NPR3: variants seen among roughly 807,000 people sequenced by gnomAD.
NPR3 encodes the protein atrial natriuretic peptide receptor 3.
A neutral mutation model predicts 54.5 loss-of-function variants in NPR3; 34 were observed. The observed-to-expected ratio is 0.62, with a 90% CI of 0.47 to 0.83. The LOEUF (loss-of-function observed/expected upper bound fraction) is 0.83. Ranked by LOEUF, NPR3 falls within the 40% of genes least tolerant of loss-of-function variation. NPR3 has a pLI of 0.00. For synonymous variants in NPR3, 289 were observed against 297.1 expected (o/e 0.97, Z 0.28); for missense variants, 674 against 720.8 (o/e 0.94, Z 0.74).
At chr5:32,744,644 CT>C (rs1740205389) in intron 3 of NPR3, among the ~76,000 whole-genome samples, 1 of 152,100 alleles carries the variant, frequency 6.6e-6, no homozygotes, top group African/African-American at 2.4e-5. Context: ...ACTTTTGTTT[CT>C]TGTATTCCAG....
chr5:32,692,191 A>T (rs1740410573), intron 1 of NPR3, among the ~76,000 whole-genome samples: 4 of 152,228 alleles, frequency 2.6e-5, no homozygotes, highest in Admixed American at 1.3e-4. Flanking sequence ...ACTCGAAGTG[A>T]TTCACTAGTA....
Position 32,789,275 on chromosome 5 carries a change from T to C in NPR3, c.*2930T>C. ...TGTCTTATGGTCATCATTGTCTTCT[T>C]AGATTTTTGGGTAGGGGGGCCAGGT... On this transcript the variant is annotated 3_prime_UTR_variant, in exon 8 of 8. Coordinates refer to ENST00000265074, the MANE Select transcript of NPR3 (RefSeq NM_001204375.2). The C allele has an allele frequency of 2.4e-6, 1 of 412,658 alleles. No individual in the cohort carries two copies. The highest frequency in any genetic ancestry group is 4.8e-6 in the Non-Finnish European group (1 of 206,198). 25.6% of individuals were successfully genotyped at this position (412,658 alleles called of 1,614,324 possible). A position where few individuals can be genotyped will look rare whatever the true frequency, so the allele number is the denominator to read the frequency against.
chr5:32,784,065 C>T (rs1338340782), intron 6 of NPR3, among the ~76,000 whole-genome samples: 2 of 152,214 alleles, frequency 1.3e-5, no homozygotes, highest in African/African-American at 4.8e-5. Flanking sequence ...GAGAGAACAT[C>T]TAAAAACAGA....
chr5:32,777,991 G>A (rs1742150042), intron 4 of NPR3, among the ~76,000 whole-genome samples: 1 of 152,140 alleles, frequency 6.6e-6, no homozygotes, highest in Non-Finnish European at 1.5e-5. Context: ...GTGGTCATTT[G>A]TTCTTGGTCT....
At chr5:32,745,588 A>G (rs1363810151) in intron 3 of NPR3, among the ~76,000 whole-genome samples, 1 of 152,170 alleles carries the variant, frequency 6.6e-6, no homozygotes, top group Admixed American at 6.5e-5. Context: ...TTTAACAACA[A>G]TGTACCCCAT....
At position 32,711,408 on chromosome 5, in the gene NPR3, A is replaced by G; in HGVS notation, c.-369A>G. ...GTCTAACTTTTTTTTTCTTCTACAAAAACGCTTTCAAAAGCAACCTTAGCA... is the reference window on the plus strand; with the variant it reads ...GTCTAACTTTTTTTTTCTTCTACAAGAACGCTTTCAAAAGCAACCTTAGCA... On this transcript the variant is annotated 5_prime_UTR_variant, in exon 1 of 8. Coordinates refer to ENST00000265074, the MANE Select transcript of NPR3 (RefSeq NM_001204375.2). 9.8e-7 allele frequency: 1 copy of G among 1,018,632 alleles called. No homozygotes were observed. Among genetic ancestry groups the G allele is most frequent in the Non-Finnish European group, 1.2e-6 (1 of 852,790 alleles). The allele number at this position is 1,018,632 out of a possible 1,614,324, so 63.1% of individuals were successfully genotyped here. A position where few individuals can be genotyped will look rare whatever the true frequency, so the allele number is the denominator to read the frequency against.
intron 3 of NPR3, among the ~76,000 whole-genome samples, chr5:32,749,909 G>T (rs913303595): frequency 2.0e-5 from 3 of 152,074 alleles, no homozygotes; most frequent in Non-Finnish European, 4.4e-5. Flanking sequence ...TTGAAAAATG[G>T]GATATTTACA....
intron 3 of NPR3, among the ~76,000 whole-genome samples, chr5:32,754,930 C>T (rs920698815): frequency 2.6e-5 from 4 of 152,142 alleles, no homozygotes; most frequent in Admixed American, 1.3e-4. Context: ...GCGTGATCTC[C>T]GCCCACTGCA....
rs1340270950 is a variant in NPR3 at position 32,771,697 on chromosome 5, C to T, written c.1060-3011C>T. On this transcript the variant is annotated intron_variant, in intron 3 of 7. Transcript: ENST00000265074. ...GTGATGCCCGGTGGCTGGTGCTTCA[C>T]AATTTAAACGAGGCCTGTCTTAGGA... Among the ~76,000 whole-genome samples, 4 of 152,092 alleles carry T rather than the reference C, an allele frequency of 2.6e-5. No individual in the cohort carries two copies. The East Asian group carries it at 7.7e-4, about 29-fold the overall frequency.
At chr5:32,691,864 G>C (rs1173815157) in intron 1 of NPR3, among the ~76,000 whole-genome samples, 1 of 152,224 alleles carries the variant, frequency 6.6e-6, no homozygotes, top group Non-Finnish European at 1.5e-5. Flanking sequence ...GCATGCAAAA[G>C]TAATGATGTA....
intron 1 of NPR3, chr5:32,713,115 C>T (rs1473726858): frequency 1.1e-6 from 1 of 947,592 alleles, no homozygotes; most frequent in African/African-American, 1.8e-5. Flanking sequence ...CTTTCATTTC[C>T]CTTCCAGCCC....
intron 2 of NPR3, among the ~76,000 whole-genome samples, chr5:32,736,164 A>G (rs1182849899): frequency 6.7e-6 from 1 of 148,892 alleles, no homozygotes; most frequent in Non-Finnish European, 1.5e-5. Context: ...CCTGGAGGCA[A>G]AGGTTGCAGT....
chr5:32,753,327 T>C (rs1421199155), intron 3 of NPR3, among the ~76,000 whole-genome samples: 3 of 151,842 alleles, frequency 2.0e-5, no homozygotes, highest in Non-Finnish European at 4.4e-5. Flanking sequence ...TATTTTCTTT[T>C]TTTTTTTTTC....
intron 1 of NPR3, among the ~76,000 whole-genome samples, chr5:32,718,792 A>C (rs1738691491): frequency 6.6e-6 from 1 of 152,230 alleles, no homozygotes; most frequent in African/African-American, 2.4e-5. Flanking sequence ...TGTCATCTGC[A>C]AACAGGGACA....
intron 3 of NPR3, among the ~76,000 whole-genome samples, chr5:32,755,055 T>C (rs1482087858): frequency 3.9e-5 from 6 of 152,106 alleles, no homozygotes; most frequent in African/African-American, 9.7e-5. Context: ...AGAGATGGGG[T>C]TTCACCATGT....
upstream of NPR3, among the ~76,000 whole-genome samples, chr5:32,706,756 T>C (rs1738004030): frequency 6.6e-6 from 1 of 152,190 alleles, no homozygotes; most frequent in African/African-American, 2.4e-5. Context: ...TTCCTGATCT[T>C]AAATAAATTT....
chr5:32,732,417 C>T (rs1301102947), intron 2 of NPR3, among the ~76,000 whole-genome samples: 1 of 152,138 alleles, frequency 6.6e-6, no homozygotes, highest in East Asian at 1.9e-4. Flanking sequence ...TTCCTGGAAG[C>T]CCCACTCATT....
chr5:32,753,342 A>G, intron 3 of NPR3, among the ~76,000 whole-genome samples: 1 of 149,172 alleles, frequency 6.7e-6, no homozygotes, highest in Admixed American at 6.7e-5. Flanking sequence ...TTTTTCCTGT[A>G]TGAAGGAGAA....
At chr5:32,707,950 ACTTGCCACCTTATTGTAGTAG>A (rs1481310660), upstream of NPR3, among the ~76,000 whole-genome samples, 13 of 151,912 alleles carry the variant, frequency 8.6e-5, no homozygotes, top group African/African-American at 1.9e-4. Flanking sequence ...TTTATAGAAA[ACTTGCCACCTTATTGTAGTAG>A]CTTGCCACCT....
Sources: allele counts gnomAD v4.1 joint callset (sites outside exome capture counted in the v4.1 genomes callset), GRCh38; gene constraint gnomAD v4.1.1; transcripts MANE v1.5; gene names NCBI Gene and HGNC (gene_info 2026-07-23, HGNC 2026-07-21).